ESRRG: variants seen among roughly 807,000 people sequenced by gnomAD.
ESRRG encodes the protein estrogen related receptor gamma.
Under a neutral mutation model 44.0 loss-of-function variants are expected in ESRRG, and 13 were observed. The observed-to-expected ratio is 0.30, with a 90% CI of 0.19 to 0.47. ESRRG has a LOEUF of 0.47. Among genes scored for constraint, ESRRG ranks in the 20% least tolerant of loss-of-function variants. The probability of loss-of-function intolerance (pLI) is 1.00; values close to 1 mark genes in which losing one functional copy is unlikely to be tolerated. For synonymous variants in ESRRG, 215 were observed against 214.6 expected (o/e 1.00, Z -0.02); for missense variants, 395 against 580.6 (o/e 0.68, Z 3.29).
intron 6 of ESRRG, among the ~76,000 whole-genome samples, chr1:216,517,000 G>C (rs1290386745): frequency 6.6e-6 from 1 of 152,166 alleles, no homozygotes; most frequent in Non-Finnish European, 1.5e-5. Context: ...ACAATTTGGA[G>C]ATTAAAATAG....
At chr1:217,101,955 C>T (rs550699418) in intron 1 of ESRRG, among the ~76,000 whole-genome samples, 322 of 152,102 alleles carry the variant, frequency 2.1e-3, no homozygotes, top group Middle Eastern at 0.021. Context: ...TACAGGCATG[C>T]GCCACCACGC....
intron 2 of ESRRG, among the ~76,000 whole-genome samples, chr1:216,675,131 C>T (rs1054326944): frequency 3.3e-5 from 5 of 152,076 alleles, no homozygotes; most frequent in East Asian, 1.9e-4. Flanking sequence ...GAGGCTGAGG[C>T]GGGTGGATCA....
At chr1:216,698,204 T>C (rs1048819404) in intron 1 of ESRRG, among the ~76,000 whole-genome samples, 23 of 152,156 alleles carry the variant, frequency 1.5e-4, no homozygotes, top group Non-Finnish European at 2.8e-4. Context: ...ACATATTAGC[T>C]AACTAGTTAG....
chr1:217,015,732 T>A (rs74226935), intron 1 of ESRRG, among the ~76,000 whole-genome samples: 21 of 55,542 alleles, frequency 3.8e-4, no homozygotes, highest in South Asian at 6.1e-4. Context: ...GGCAGCTAGA[T>A]TTTTTTTTTT....
intron 1 of ESRRG, among the ~76,000 whole-genome samples, chr1:217,026,486 G>T (rs1478355614): frequency 6.6e-6 from 1 of 152,156 alleles, no homozygotes; most frequent in African/African-American, 2.4e-5. Context: ...AGAGTTATGG[G>T]TTCGAGGCAG....
chr1:216,569,107 AG>A (rs2060226409), intron 3 of ESRRG, among the ~76,000 whole-genome samples: 1 of 120,348 alleles, frequency 8.3e-6, no homozygotes, highest in Non-Finnish European at 1.8e-5. Flanking sequence ...GAAGGAAGGA[AG>A]GAAGAAGGAA....
upstream of ESRRG, among the ~76,000 whole-genome samples, chr1:216,726,173 G>A (rs1438288685): frequency 1.3e-5 from 2 of 152,140 alleles, no homozygotes; most frequent in African/African-American, 4.8e-5. Flanking sequence ...TACGCAAGGT[G>A]CAGTGTTCAC....
intron 1 of ESRRG, among the ~76,000 whole-genome samples, chr1:216,968,491 C>T (rs749154532): frequency 1.3e-5 from 2 of 152,212 alleles, no homozygotes; most frequent in Non-Finnish European, 2.9e-5. Flanking sequence ...GTTGAAAAGG[C>T]TATTTTTTCC....
chr1:216,790,978 TA>T (rs1439149557), intron 2 of ESRRG, among the ~76,000 whole-genome samples: 1 of 152,188 alleles, frequency 6.6e-6, no homozygotes, highest in Non-Finnish European at 1.5e-5. Flanking sequence ...ATTTTTGTGA[TA>T]GGGGAAAATG....
At chr1:216,585,929 A>C (rs1459208736) in intron 3 of ESRRG, among the ~76,000 whole-genome samples, 2 of 152,032 alleles carry the variant, frequency 1.3e-5, no homozygotes, top group East Asian at 1.9e-4. Context: ...AGTCTCAGCT[A>C]CTCGGGAGGC....
At chr1:217,005,617 T>C (rs2077635624) in intron 1 of ESRRG, among the ~76,000 whole-genome samples, 1 of 151,838 alleles carries the variant, frequency 6.6e-6, no homozygotes, top group African/African-American at 2.4e-5. Flanking sequence ...TGCTGTTTAT[T>C]GTGTTTTAAC....
intron 1 of ESRRG, among the ~76,000 whole-genome samples, chr1:217,054,399 T>G (rs1230335893): frequency 6.6e-6 from 1 of 152,074 alleles, no homozygotes; most frequent in Non-Finnish European, 1.5e-5. Flanking sequence ...ATACCAAAAC[T>G]CAGAAACGTC....
At chr1:217,095,004 A>AAGTTGT (rs1269916850) in intron 1 of ESRRG, among the ~76,000 whole-genome samples, 1 of 151,752 alleles carries the variant, frequency 6.6e-6, no homozygotes, top group East Asian at 1.9e-4. Context: ...GAAACTCTTG[A>AAGTTGT]AGTTGTAGGC....
chr1:216,885,023 C>T (rs2096495621), intron 2 of ESRRG, among the ~76,000 whole-genome samples: 1 of 152,092 alleles, frequency 6.6e-6, no homozygotes, highest in African/African-American at 2.4e-5. Flanking sequence ...TCAGCTTGTA[C>T]TGGGTCCCTG....
intron 3 of ESRRG, among the ~76,000 whole-genome samples, chr1:216,606,976 C>T (rs2060016840): frequency 1.3e-5 from 2 of 152,196 alleles, no homozygotes; most frequent in South Asian, 2.1e-4. Flanking sequence ...TTAGATAAAC[C>T]CACAGATTGA....
intron 3 of ESRRG, among the ~76,000 whole-genome samples, chr1:216,584,551 C>T (rs184237793): frequency 7.2e-5 from 11 of 152,160 alleles, no homozygotes; most frequent in Non-Finnish European, 1.0e-4. Context: ...TAACTGTGCC[C>T]GGCCCAAAAC....
intron 2 of ESRRG, among the ~76,000 whole-genome samples, chr1:216,790,737 G>T (rs983730022): frequency 2.6e-5 from 4 of 152,116 alleles, no homozygotes; most frequent in African/African-American, 9.7e-5. Context: ...CAGTAAAAAA[G>T]ACTTGAAAAT....
At chr1:216,515,952 A>G (rs1168056149) in intron 6 of ESRRG, among the ~76,000 whole-genome samples, 3 of 152,038 alleles carry the variant, frequency 2.0e-5, no homozygotes, top group African/African-American at 7.2e-5. Context: ...ATATTTTACT[A>G]TATTTTCTAA....
intron 2 of ESRRG, among the ~76,000 whole-genome samples, chr1:216,839,863 T>G (rs1344000777): frequency 6.6e-6 from 1 of 152,196 alleles, no homozygotes; most frequent in Non-Finnish European, 1.5e-5. Flanking sequence ...GCTTAAAATA[T>G]TTAGTAAACC....
Sources: allele counts gnomAD v4.1 joint callset (sites outside exome capture counted in the v4.1 genomes callset), GRCh38; gene constraint gnomAD v4.1.1; transcripts MANE v1.5; gene names NCBI Gene and HGNC (gene_info 2026-07-23, HGNC 2026-07-21).